Variants in DPH6 observed in about 807,000 individuals in gnomAD.
DPH6 encodes the protein diphthine--ammonia ligase.
Under a neutral mutation model 38.2 loss-of-function variants are expected in DPH6, and 33 were observed. That is an observed-to-expected ratio of 0.86 (90% CI 0.65 to 1.15). The LOEUF (loss-of-function observed/expected upper bound fraction) is 1.15. DPH6 is among the 50% of genes most tolerant of loss of function. The probability of loss-of-function intolerance (pLI) is 0.00; values close to 1 mark genes in which losing one functional copy is unlikely to be tolerated. For synonymous variants in DPH6, 108 were observed against 103.0 expected (o/e 1.05, Z -0.30); for missense variants, 325 against 320.0 (o/e 1.02, Z -0.12).
At chr15:35,176,769 C>T in the DPH6 span, among the ~76,000 whole-genome samples, 7 of 152,162 alleles carry the variant, frequency 4.6e-5, no homozygotes, top group Non-Finnish European at 1.0e-4. Flanking sequence ...CCGTGCCTGG[C>T]CTGTAAGGTC....
At chr15:35,521,501 G>C in intron 3 of DPH6, 1 of 1,214,936 alleles carries the variant, frequency 8.2e-7, no homozygotes, top group South Asian at 4.3e-5. Context: ...CAGAATCAAA[G>C]TGCTGATAGG....
intron 6 of DPH6, among the ~76,000 whole-genome samples, chr15:35,409,368 C>T (rs2053335606): frequency 6.6e-6 from 1 of 152,032 alleles, no homozygotes; most frequent in African/African-American, 2.4e-5. Context: ...TAGGGAAATA[C>T]AAGATTGCCA....
intron 3 of DPH6, among the ~76,000 whole-genome samples, chr15:35,287,637 TG>T (rs2051952465): frequency 4.6e-5 from 7 of 152,134 alleles, no homozygotes; most frequent in Admixed American, 4.6e-4. Context: ...CTACGAACAG[TG>T]TAGTAAGAAG....
intron 3 of DPH6, among the ~76,000 whole-genome samples, chr15:35,304,482 G>T (rs530871457): frequency 4.6e-4 from 70 of 152,150 alleles, no homozygotes; most frequent in African/African-American, 1.6e-3. Flanking sequence ...GACAGAAAGA[G>T]AAAATAATAA....
chr15:35,191,485 C>A, the DPH6 span, among the ~76,000 whole-genome samples: 1 of 152,164 alleles, frequency 6.6e-6, no homozygotes, highest in African/African-American at 2.4e-5. Flanking sequence ...TAATCAAAGA[C>A]TAGCATGCTT....
chr15:35,298,806 T>C, intron 3 of DPH6: 3 of 1,135,850 alleles, frequency 2.6e-6, no homozygotes, highest in Admixed American at 1.7e-5. Flanking sequence ...GTCTGTCTTG[T>C]TCCTCGTACA....
chr15:35,224,660 G>A (rs1047400157), intron 3 of DPH6, among the ~76,000 whole-genome samples: 1 of 152,208 alleles, frequency 6.6e-6, no homozygotes, highest in Non-Finnish European at 1.5e-5. Context: ...GTCTTCTAGA[G>A]TGGCTGTGCC....
chr15:35,156,507 G>A, the DPH6 span, among the ~76,000 whole-genome samples: 1 of 152,218 alleles, frequency 6.6e-6, no homozygotes, highest in South Asian at 2.1e-4. Flanking sequence ...AGCTCTGTGT[G>A]TGGGAGTGGC....
In DPH6 at chr15:35,371,489, T is replaced by C; in HGVS notation, c.*661A>G. ...TATGGGAAATCTCTGCATTTTCTGC[T>C]CCATTTTTGCTGTGAACCTAAAACT... is the stretch of plus-strand genomic sequence containing the variant. On this transcript the variant is annotated 3_prime_UTR_variant, in exon 9 of 9. Coordinates refer to ENST00000256538, the MANE Select transcript of DPH6 (RefSeq NM_080650.4). 2.6e-6 allele frequency: 2 copies of C among 782,150 alleles called. No individual in the cohort carries two copies. The highest frequency in any genetic ancestry group is 3.1e-6 in the Non-Finnish European group (2 of 644,914). The allele number at this position is 782,150 out of a possible 1,614,324, so 48.5% of individuals were successfully genotyped here.
intron 3 of DPH6, among the ~76,000 whole-genome samples, chr15:35,535,436 A>G (rs540411311): frequency 6.6e-6 from 1 of 152,310 alleles, no homozygotes; most frequent in South Asian, 2.1e-4. Context: ...TTATACTGAA[A>G]CTAAGGAATA....
At chr15:35,493,593 G>A (rs1408952297) in intron 3 of DPH6, among the ~76,000 whole-genome samples, 1 of 152,106 alleles carries the variant, frequency 6.6e-6, no homozygotes, top group Non-Finnish European at 1.5e-5. Context: ...TGAAGATTAG[G>A]TTCAACCATT....
chr15:35,341,916 AC>A (rs933288732), intron 3 of DPH6, among the ~76,000 whole-genome samples: 1 of 152,126 alleles, frequency 6.6e-6, no homozygotes, highest in Admixed American at 6.6e-5. Flanking sequence ...ACTGGGGGGC[AC>A]CCTTCCTCAT....
chr15:35,450,456 T>TAA lies in DPH6; in HGVS notation c.505+227_505+228dup, dbSNP rs1170382391. ...ATCAGTTTTAGAACCTGTTATATGT[T>TAA]AAAAAAAAAAAAAAAAGCCTTACTA... On this transcript the variant is annotated intron_variant, in intron 5 of 8. Coordinates refer to ENST00000256538, the MANE Select transcript of DPH6 (RefSeq NM_080650.4). Among the ~76,000 whole-genome samples the TAA allele has an allele frequency of 4.2e-3, 527 of 125,260 alleles. 1 individual carries two copies. Among genetic ancestry groups the TAA allele is most frequent in the African/African-American group, 0.014 (501 of 34,858 alleles). 82.2% of individuals were successfully genotyped at this position (125,260 alleles called of 152,430 possible). A position where few individuals can be genotyped will look rare whatever the true frequency, so the allele number is the denominator to read the frequency against.
At chr15:35,475,079 C>T (rs922641875) in intron 3 of DPH6, among the ~76,000 whole-genome samples, 2 of 151,870 alleles carry the variant, frequency 1.3e-5, no homozygotes, top group African/African-American at 4.8e-5. Flanking sequence ...ACTGAACCAC[C>T]GCAGACCTAG....
chr15:35,223,980 T>C (rs992330622), intron 3 of DPH6, among the ~76,000 whole-genome samples: 15 of 152,198 alleles, frequency 9.9e-5, no homozygotes, highest in Admixed American at 9.8e-4. Context: ...ACTGTCTCCA[T>C]AGTTTTGTCT....
the DPH6 span, among the ~76,000 whole-genome samples, chr15:35,210,113 G>A: frequency 2.0e-5 from 3 of 152,064 alleles, no homozygotes; most frequent in Admixed American, 6.5e-5. Context: ...ATTCCACCAC[G>A]AACAAATTTC....
chr15:35,512,433 T>C (rs182578738), intron 3 of DPH6, among the ~76,000 whole-genome samples: 10 of 152,244 alleles, frequency 6.6e-5, no homozygotes, highest in Admixed American at 5.2e-4. Flanking sequence ...TATATCTGTG[T>C]TCATCCACAT....
intron 5 of DPH6, among the ~76,000 whole-genome samples, chr15:35,433,505 A>C (rs1368982668): frequency 6.6e-6 from 1 of 152,198 alleles, no homozygotes; most frequent in South Asian, 2.1e-4. Flanking sequence ...TGGGGTTGGC[A>C]AGTATGTTCC....
intron 3 of DPH6, chr15:35,237,279 T>G (rs1250138658): frequency 3.3e-6 from 5 of 1,514,084 alleles, no homozygotes; most frequent in Non-Finnish European, 4.6e-6. Context: ...GGCCGTGTTA[T>G]TGATTGAATT....
Sources: allele counts gnomAD v4.1 joint callset (sites outside exome capture counted in the v4.1 genomes callset), GRCh38; gene constraint gnomAD v4.1.1; transcripts MANE v1.5; gene names NCBI Gene and HGNC (gene_info 2026-07-23, HGNC 2026-07-21).